Variants in ANK3 observed in about 807,000 individuals in gnomAD.
ANK3 encodes ankyrin-3.
A neutral mutation model predicts 370.9 loss-of-function variants in ANK3; 57 were observed. The observed-to-expected ratio is 0.15, with a 90% CI of 0.12 to 0.19. ANK3 has a LOEUF of 0.19. Ranked by LOEUF, ANK3 falls within the 10% of genes least tolerant of loss-of-function variation. The pLI, the probability that ANK3 is intolerant of heterozygous loss-of-function variation, is 1.00. For missense variants in ANK3, 4,439 were observed against 5,302.1 expected (o/e 0.84, Z 5.06); for synonymous variants, 1,929 against 1,946.3 (o/e 0.99, Z 0.23).
At chr10:60,063,804 C>A (rs1170391740) in intron 39 of ANK3, among the ~76,000 whole-genome samples, 1 of 152,184 alleles carries the variant, frequency 6.6e-6, no homozygotes, top group Non-Finnish European at 1.5e-5. Flanking sequence ...TGCACATCCA[C>A]CTCCAGCCAT....
At chr10:60,539,759 G>A (rs2076804893) in intron 2 of ANK3, among the ~76,000 whole-genome samples, 1 of 151,896 alleles carries the variant, frequency 6.6e-6, no homozygotes, top group Non-Finnish European at 1.5e-5. Flanking sequence ...ACAAAGAGGT[G>A]TCTTCTAGGT....
At chr10:60,326,740 G>A (rs946131492) in intron 1 of ANK3, among the ~76,000 whole-genome samples, 21 of 152,064 alleles carry the variant, frequency 1.4e-4, no homozygotes, top group African/African-American at 5.1e-4. Context: ...GTGAGCTCCC[G>A]ACCGGGCGCG....
rs184456290 is a variant in ANK3 at position 60,447,552 on chromosome 10, G to A, written c.96+167634C>T. Among the ~76,000 whole-genome samples the A allele has an allele frequency of 1.6e-4, 24 of 152,098 alleles. No homozygotes were observed. The East Asian group carries it at 4.1e-3, about 26-fold the overall frequency. ...ACTGAAATAAATGATGTCTGCATGT[G>A]GGGGGGAAAAAAAGCAAACAACAAG... On this transcript the variant is annotated intron_variant, in intron 2 of 43. Coordinates refer to the ANK3 transcript ENST00000373827.
At chr10:60,051,710 A>C (rs1589272567) in intron 42 of ANK3, 1 of 225,966 alleles carries the variant, frequency 4.4e-6, no homozygotes, top group Non-Finnish European at 6.3e-6. Flanking sequence ...CATGATGTAT[A>C]TTTGTGAGAG....
At chr10:60,456,497 C>T (rs975448525) in intron 2 of ANK3, among the ~76,000 whole-genome samples, 2 of 152,184 alleles carry the variant, frequency 1.3e-5, no homozygotes, top group Non-Finnish European at 2.9e-5. Flanking sequence ...AGGAAATACA[C>T]CCTGTCCTGA....
At chr10:60,261,236 A>G (rs906916703) in intron 7 of ANK3, among the ~76,000 whole-genome samples, 1 of 152,166 alleles carries the variant, frequency 6.6e-6, no homozygotes, top group East Asian at 1.9e-4. Context: ...AGTGTTTCTG[A>G]TGGTCAAGCT....
intron 41 of ANK3, among the ~76,000 whole-genome samples, chr10:60,057,619 C>T (rs925943678): frequency 1.3e-5 from 2 of 152,146 alleles, no homozygotes; most frequent in African/African-American, 4.8e-5. Context: ...CCGGCGTTCT[C>T]CTACCCTGCA....
intron 1 of ANK3, among the ~76,000 whole-genome samples, chr10:60,629,356 A>T (rs2078452274): frequency 1.3e-5 from 2 of 152,212 alleles, no homozygotes; most frequent in Admixed American, 1.3e-4. Context: ...TATTTGAATA[A>T]AAGGTAACAA....
chr10:60,684,363 C>G, intron 1 of ANK3: 1 of 473,164 alleles, frequency 2.1e-6, no homozygotes, highest in South Asian at 2.3e-5. Flanking sequence ...ATCAGCACAC[C>G]TCCCCAGCGG....
chr10:60,725,765 T>C (rs1770702814), intron 1 of ANK3, among the ~76,000 whole-genome samples: 1 of 152,178 alleles, frequency 6.6e-6, no homozygotes, highest in Non-Finnish European at 1.5e-5. Context: ...TTTTTGTTCT[T>C]ATAATGAAAG....
At chr10:60,085,294 G>C in intron 30 of ANK3, 41 bp from the exon 31 acceptor site, 3 of 1,483,504 alleles carry the variant, frequency 2.0e-6, no homozygotes, top group Non-Finnish European at 2.8e-6. Flanking sequence ...TATCATGGGA[G>C]ATGCTCCTTG....
In ANK3 at chr10:60,263,879, C is replaced by T. The variant is rs2097844113; in HGVS notation, c.655G>A (p.Ala219Thr). Residue 219 changes from alanine to threonine, a missense_variant, in exon 6 of 44, where the codon GCC becomes ACC. Coordinates refer to ENST00000280772, the MANE Select transcript of ANK3 (RefSeq NM_020987.5). ...AARKDDTKAAALLLQNDNNAD... is the reference protein window; with the variant it reads ...AARKDDTKAATLLLQNDNNAD... Reference sequence around the variant, plus strand: ...TTGTTGTCATTCTGCAGCAGCAGGGCGGCGGCTTTCGTGTCGTCTTTTCGG... The same window carrying T: ...TTGTTGTCATTCTGCAGCAGCAGGGTGGCGGCTTTCGTGTCGTCTTTTCGG... 3.1e-6 allele frequency: 5 copies of T among 1,613,974 alleles called. No individual in the cohort carries two copies. Among genetic ancestry groups the T allele is most frequent in the Admixed American group, 1.7e-5 (1 of 59,980 alleles).
At chr10:60,332,185 T>C (rs1277912602) in intron 1 of ANK3, among the ~76,000 whole-genome samples, 1 of 152,200 alleles carries the variant, frequency 6.6e-6, no homozygotes, top group East Asian at 1.9e-4. Context: ...TAGAAGCACA[T>C]GCAAATGGGC....
chr10:60,276,321 C>A (rs1043416356), intron 4 of ANK3, among the ~76,000 whole-genome samples: 4 of 152,042 alleles, frequency 2.6e-5, no homozygotes, highest in Non-Finnish European at 5.9e-5. Flanking sequence ...ATATTTCTGT[C>A]CTGTTTTATG....
intron 2 of ANK3, among the ~76,000 whole-genome samples, chr10:60,601,112 A>G (rs1210820438): frequency 6.6e-6 from 1 of 151,862 alleles, no homozygotes; most frequent in Non-Finnish European, 1.5e-5. Context: ...TCAAAAATAG[A>G]CTTTCACATG....
Position 60,265,708 on chromosome 10 carries a change from C to A in ANK3, c.514-1688G>T, listed in dbSNP as rs1055693233. Among the ~76,000 whole-genome samples, 5 of 152,170 alleles carry A rather than the reference C, an allele frequency of 3.3e-5. No homozygotes were observed. The South Asian group carries it at 8.3e-4, about 25-fold the overall frequency. On this transcript the variant is annotated intron_variant, in intron 5 of 43. Coordinates refer to ENST00000280772, the MANE Select transcript of ANK3 (RefSeq NM_020987.5). The stretch of plus-strand genomic sequence containing the variant: ...GGAGCACATATGCACCAAGGTCTTC[C>A]TAAAACATCCCTTTCAACATTCCTT...
At chr10:60,309,661 T>C (rs1395971169) in intron 1 of ANK3, among the ~76,000 whole-genome samples, 1 of 152,198 alleles carries the variant, frequency 6.6e-6, no homozygotes, top group Non-Finnish European at 1.5e-5. Flanking sequence ...ATAGGTAGTT[T>C]TGTCTGCAGT....
Position 60,506,931 on chromosome 10 carries a change from C to A in ANK3, c.96+108255G>T, listed in dbSNP as rs562658336. ...TGGGAAAAATATTTTATTTATAATT[C>A]ATAATCCCTAATTTATGAAATGTGA... On this transcript the variant is annotated intron_variant, in intron 2 of 43. Coordinates refer to the ANK3 transcript ENST00000373827. Among the ~76,000 whole-genome samples the A allele has an allele frequency of 3.6e-4, 54 of 152,110 alleles. 1 individual carries two copies. The highest frequency in any genetic ancestry group is 1.3e-3 in the African/African-American group (53 of 41,526).
At chr10:60,590,212 G>T (rs1486104863) in intron 2 of ANK3, among the ~76,000 whole-genome samples, 1 of 152,194 alleles carries the variant, frequency 6.6e-6, no homozygotes, top group East Asian at 1.9e-4. Context: ...CATATGTGGG[G>T]ATTGCACCCT....
Sources: allele counts gnomAD v4.1 joint callset (sites outside exome capture counted in the v4.1 genomes callset), GRCh38; gene constraint gnomAD v4.1.1; transcripts MANE v1.5; gene names NCBI Gene and HGNC (gene_info 2026-07-23, HGNC 2026-07-21).